The following TBC1D14 variants were observed in gnomAD, a reference collection of about 807,000 sequenced individuals.
TBC1D14 encodes TBC1 domain family member 14.
Under a neutral mutation model 79.0 loss-of-function variants are expected in TBC1D14, and 26 were observed. The observed-to-expected ratio is 0.33, with a 90% CI of 0.24 to 0.46. The LOEUF is 0.46. Among genes scored for constraint, TBC1D14 ranks in the 20% least tolerant of loss-of-function variants. The probability of loss-of-function intolerance (pLI) is 1.00; values close to 1 mark genes in which losing one functional copy is unlikely to be tolerated. For missense variants in TBC1D14, 769 were observed against 887.6 expected, an observed-to-expected ratio of 0.87 and a Z score of 1.70; for synonymous variants, 394 against 349.9, an observed-to-expected ratio of 1.13 and a Z score of -1.40.
intron 2 of TBC1D14, among the ~76,000 whole-genome samples, chr4:6,965,390 T>G (rs1443987052): frequency 6.6e-6 from 1 of 152,212 alleles, no homozygotes; most frequent in Non-Finnish European, 1.5e-5. Flanking sequence ...ATTGACATTT[T>G]GAGAGCTTAT....
chr4:7,021,917 C>T (rs1177487822), intron 12 of TBC1D14, among the ~76,000 whole-genome samples: 6 of 152,188 alleles, frequency 3.9e-5, no homozygotes, highest in Non-Finnish European at 8.8e-5. Context: ...CCAGGAGGGC[C>T]GTGTGGACAG....
At chr4:6,932,695 C>T (rs555153964) in intron 2 of TBC1D14, among the ~76,000 whole-genome samples, 6 of 152,160 alleles carry the variant, frequency 3.9e-5, no homozygotes, top group African/African-American at 7.2e-5. Context: ...GCAGCCATAG[C>T]GCAGTGTGGC....
chr4:6,988,200 G>A (rs1328444057), intron 3 of TBC1D14, among the ~76,000 whole-genome samples: 2 of 152,238 alleles, frequency 1.3e-5, no homozygotes, highest in African/African-American at 4.8e-5. Flanking sequence ...AAATGGCCAA[G>A]TGTGAGACCA....
intron 2 of TBC1D14, among the ~76,000 whole-genome samples, chr4:6,950,523 AG>A (rs1485516615): frequency 6.6e-6 from 1 of 152,104 alleles, no homozygotes; most frequent in Non-Finnish European, 1.5e-5. Flanking sequence ...TTCCTCGTTA[AG>A]TGTGATGTTT....
At chr4:6,958,376 T>TACACAC (rs60999179) in intron 2 of TBC1D14, among the ~76,000 whole-genome samples, 13,890 of 148,922 alleles carry the variant, frequency 0.093, 674 homozygotes, top group African/African-American at 0.13. Context: ...TCCCCACATA[T>TACACAC]ACACACACAC....
intron 2 of TBC1D14, 55 bp downstream of exon 2, chr4:6,924,166 C>T: frequency 1.3e-6 from 2 of 1,538,490 alleles, no homozygotes; most frequent in Non-Finnish European, 8.7e-7. Flanking sequence ...AGACCAGTCT[C>T]CTTGTTCCTG....
intron 3 of TBC1D14, among the ~76,000 whole-genome samples, chr4:6,981,802 T>G (rs1419530948): frequency 6.6e-6 from 1 of 152,168 alleles, no homozygotes; most frequent in Non-Finnish European, 1.5e-5. Flanking sequence ...AGCAAAAGCA[T>G]TTGATAGAAT....
chr4:6,963,120 C>T (rs994925186), intron 2 of TBC1D14, among the ~76,000 whole-genome samples: 3 of 152,254 alleles, frequency 2.0e-5, no homozygotes, highest in East Asian at 1.9e-4. Flanking sequence ...AGCCCAGGCC[C>T]GGCAGCTGGT....
chr4:6,983,239 T>C (rs1047284950), intron 3 of TBC1D14, among the ~76,000 whole-genome samples: 4 of 152,200 alleles, frequency 2.6e-5, no homozygotes, highest in Admixed American at 2.6e-4. Flanking sequence ...CCCAAAGTGC[T>C]AGGATTACAG....
Position 6,978,080 on chromosome 4 carries a change from C to A in TBC1D14, c.843+10656C>A, listed in dbSNP as rs540475517. ...GTCTGGGAGGGAGGTGGGGGTCAGC[C>A]CCCCGCCTGGCCAGCCGCCCCATCC... On this transcript the variant is annotated intron_variant, in intron 3 of 13. Transcript: ENST00000409757. 2.5e-3 allele frequency among the ~76,000 whole-genome samples: 369 copies of A among 149,756 alleles called. 2 individuals carry two copies. Among genetic ancestry groups the A allele is most frequent in the Admixed American group, 4.7e-3 (71 of 15,052 alleles).
At chr4:6,909,515 C>A (rs1425415848), upstream of TBC1D14, 1 of 152,204 alleles carries the variant, frequency 6.6e-6, no homozygotes, top group Admixed American at 6.5e-5. Flanking sequence ...GGTAAGGGGC[C>A]CCCTGTCGGA....
chr4:7,019,353 G>A (rs952167955), intron 12 of TBC1D14, among the ~76,000 whole-genome samples: 1 of 152,128 alleles, frequency 6.6e-6, no homozygotes, highest in African/African-American at 2.4e-5. Flanking sequence ...GTTCAAGGGG[G>A]AGTGACTGTT....
chr4:6,940,198 C>A (rs1712768600), intron 2 of TBC1D14, among the ~76,000 whole-genome samples: 1 of 152,228 alleles, frequency 6.6e-6, no homozygotes, highest in Admixed American at 6.5e-5. Flanking sequence ...GTCACTCTGG[C>A]CAGTCAGGCG....
chr4:7,030,370 G>C lies in TBC1D14; in HGVS notation c.2060G>C (p.Gly687Ala). The C allele has an allele frequency of 1.9e-6, 3 of 1,614,074 alleles. No homozygotes were observed. Among genetic ancestry groups the C allele is most frequent in the Non-Finnish European group, 2.5e-6 (3 of 1,179,940 alleles). ...AAAGACAGCCGGGAAATGGAGAAGG[G>C]AAGTCCGTCCCTCCGACACTGAGGC... ...LQKDSREMEK[G>A]SPSLRH The change falls in exon 14 of 14, where the codon GGA (glycine) becomes GCA (alanine). Residue 687 changes from glycine to alanine, a missense_variant. Gly to Ala is a moderately conservative substitution (Grantham distance 60, BLOSUM62 0). Transcript: ENST00000409757.
chr4:6,949,322 A>G (rs1713796051), intron 2 of TBC1D14, among the ~76,000 whole-genome samples: 1 of 152,142 alleles, frequency 6.6e-6, no homozygotes, highest in Non-Finnish European at 1.5e-5. Context: ...AGATTGTACA[A>G]ATAAATTTGC....
intron 2 of TBC1D14, among the ~76,000 whole-genome samples, chr4:6,956,490 G>A (rs909361002): frequency 2.0e-5 from 3 of 152,190 alleles, no homozygotes; most frequent in African/African-American, 7.2e-5. Flanking sequence ...CTGCGCACGC[G>A]CCTACACAGA....
intron 2 of TBC1D14, among the ~76,000 whole-genome samples, chr4:6,946,783 C>G (rs377220017): frequency 7.9e-5 from 12 of 152,240 alleles, no homozygotes; most frequent in African/African-American, 2.9e-4. Flanking sequence ...GAGCTCCTGA[C>G]CTGCCTGAGT....
chr4:6,931,897 G>A (rs1405819507), intron 2 of TBC1D14, among the ~76,000 whole-genome samples: 1 of 152,064 alleles, frequency 6.6e-6, no homozygotes, highest in African/African-American at 2.4e-5. Flanking sequence ...AGAGGGTGCT[G>A]ATGGTAAACA....
intron 3 of TBC1D14, among the ~76,000 whole-genome samples, chr4:6,983,214 C>T (rs891911020): frequency 3.9e-5 from 6 of 152,120 alleles, no homozygotes; most frequent in African/African-American, 1.2e-4. Context: ...TCAAGTGATC[C>T]GCCTGCCTTG....
Sources: gnomAD v4.1 joint callset for allele counts (sites outside exome capture counted in the v4.1 genomes callset) on GRCh38, gnomAD v4.1.1 for gene constraint, MANE v1.5 for transcripts, NCBI Gene and HGNC (gene_info 2026-07-23, HGNC 2026-07-21) for gene names.